TTC5: variants seen among roughly 807,000 people sequenced by gnomAD.
TTC5 encodes tetratricopeptide repeat domain 5.
In TTC5, 46 loss-of-function variants were observed where a neutral mutation model predicts 57.4. The ratio of observed to expected loss-of-function variants is 0.80; its 90% CI spans 0.63 to 1.03. The LOEUF is 1.03. Among genes scored for constraint, TTC5 ranks in the 50% least tolerant of loss-of-function variants. The probability of loss-of-function intolerance (pLI) is 0.00; values close to 1 mark genes in which losing one functional copy is unlikely to be tolerated. For synonymous variants in TTC5, 190 were observed against 203.5 expected (o/e 0.93, Z 0.57); for missense variants, 504 against 528.1 (o/e 0.95, Z 0.45).
chr14:20,289,823 G>C (rs1306042097), intron 9 of TTC5, 77 bp from the exon 10 acceptor site: 2 of 1,426,452 alleles, frequency 1.4e-6, no homozygotes, highest in East Asian at 4.7e-5. Flanking sequence ...TACACCACTT[G>C]CAACTTTCTG....
In TTC5 at chr14:20,289,474, G is replaced by T. The variant is rs1881907927; in HGVS notation, c.*153C>A. 3 of 870,608 alleles carry T rather than the reference G, an allele frequency of 3.4e-6. No homozygotes were observed. The East Asian group carries it at 8.2e-5, about 24-fold the overall frequency. The allele number at this position is 870,608 out of a possible 1,614,324, so 53.9% of individuals were successfully genotyped here. On this transcript the variant is annotated 3_prime_UTR_variant, in exon 10 of 10. Coordinates refer to ENST00000258821, the MANE Select transcript of TTC5 (RefSeq NM_138376.3). The stretch of plus-strand genomic sequence containing the variant: ...GAACATGATGAGGACAGAGGAGAGA[G>T]AAGAGATACGAAGTGTAATACAGGC...
At chr14:20,294,628 T>C (rs1337821384) in intron 8 of TTC5, 1 of 151,910 alleles carries the variant, frequency 6.6e-6, no homozygotes, top group Non-Finnish European at 1.5e-5. Flanking sequence ...AAAATAACAA[T>C]TTCAGTAGAA....
chr14:20,294,936 C>A, intron 8 of TTC5: 1 of 223,492 alleles, frequency 4.5e-6, no homozygotes, highest in Non-Finnish European at 9.1e-6. Flanking sequence ...CTAAGTATAC[C>A]TAAGTACAAA....
chr14:20,293,752 G>A (rs1882004689), intron 8 of TTC5: 1 of 152,344 alleles, frequency 6.6e-6, no homozygotes, highest in Admixed American at 6.5e-5. Context: ...TTTGGAGAAT[G>A]GAGAAGCCTA....
intron 7 of TTC5, 64 bp downstream of exon 7, chr14:20,295,643 AT>A: frequency 6.4e-7 from 1 of 1,552,038 alleles, no homozygotes; most frequent in Non-Finnish European, 8.7e-7. Flanking sequence ...ATTTATTCTT[AT>A]TTTATTGACC....
rs771231003 is a variant in TTC5, at chr14:20,295,884, T to A, written c.697-30A>T. 7.2e-6 allele frequency: 11 copies of A among 1,536,140 alleles called. No homozygotes were observed. In the Admixed American group the frequency reaches 2.0e-4, roughly 29 times the overall value. ...ACAAGAAGTGTATCCCAATTATAAG[T>A]ATATCCAGACAAACTATCCCGAGGG... On this transcript the variant is annotated intron_variant, in intron 6 of 9. Transcript: ENST00000258821.
chr14:20,300,490 T>C (rs1163540122), intron 3 of TTC5, 117 bp downstream of exon 3: 4 of 826,464 alleles, frequency 4.8e-6, no homozygotes, highest in Non-Finnish European at 7.3e-6. Flanking sequence ...TCCCTCCTGA[T>C]TCTGTCCTAG....
In TTC5 at chr14:20,286,413, T is replaced by G. The variant is rs1881838961; in HGVS notation, c.*3214A>C. The G allele has an allele frequency of 6.6e-6, 1 of 152,032 alleles. No individual in the cohort carries two copies. The highest frequency in any genetic ancestry group is 1.5e-5 in the Non-Finnish European group (1 of 68,004). The allele number at this position is 152,032 out of a possible 1,614,324, so 9.4% of individuals were successfully genotyped here. On this transcript the variant is annotated 3_prime_UTR_variant, in exon 10 of 10. Transcript: ENST00000258821. ...CCTACTATGTGATATTTTATAATCA[T>G]CTGGTTGGTAAAAATTAAAAAGCTA...
intron 9 of TTC5, 81 bp from the exon 10 acceptor site, chr14:20,289,827 C>T: frequency 4.2e-6 from 6 of 1,413,414 alleles, no homozygotes; most frequent in Non-Finnish European, 5.7e-6. Flanking sequence ...CCACTTGCAA[C>T]TTTCTGCACC....
At chr14:20,294,014 G>A (rs2138808024) in intron 8 of TTC5, 1 of 152,276 alleles carries the variant, frequency 6.6e-6, no homozygotes, top group South Asian at 2.1e-4. Context: ...GACATCACAG[G>A]GCAAGATGAT....
chr14:20,288,208 G>A lies in TTC5; in HGVS notation c.*1419C>T, dbSNP rs899817236. The A allele has an allele frequency of 1.5e-5, 2 of 134,670 alleles. No homozygotes were observed. Among genetic ancestry groups the A allele is most frequent in the Non-Finnish European group, 1.8e-5 (1 of 56,810 alleles). 8.3% of individuals were successfully genotyped at this position (134,670 alleles called of 1,614,324 possible). On this transcript the variant is annotated 3_prime_UTR_variant, in exon 10 of 10. Transcript: ENST00000258821. The stretch of plus-strand genomic sequence containing the variant: ...AGATAGATAGATAGATAGATAGACA[G>A]ATAGATAGATAAAACTTCTCTCATC...
intron 1 of TTC5, among the ~76,000 whole-genome samples, chr14:20,304,370 AAC>A (rs1443795813): frequency 6.6e-6 from 1 of 152,222 alleles, no homozygotes; most frequent in Non-Finnish European, 1.5e-5. Context: ...CTCTGATTTT[AAC>A]AGTTTAGCAG....
intron 6 of TTC5, 26 bp from the exon 7 acceptor site, chr14:20,295,880 T>C: frequency 1.3e-6 from 2 of 1,548,238 alleles, no homozygotes; most frequent in Non-Finnish European, 1.7e-6. Context: ...ATCCCAATTA[T>C]AAGTATATCC....
rs983028148 is a variant in TTC5, at chr14:20,287,696, G to C, written c.*1931C>G. On this transcript the variant is annotated 3_prime_UTR_variant, in exon 10 of 10. Transcript: ENST00000258821. Reference sequence around the variant, plus strand: ...CTACTGGCCATTTTTCTACTCTCTAGCCCTACACAGAACATGTCAACTCAT... The same window carrying C: ...CTACTGGCCATTTTTCTACTCTCTACCCCTACACAGAACATGTCAACTCAT... 6.6e-6 allele frequency: 1 copy of C among 152,042 alleles called. No individual in the cohort carries two copies. The highest frequency in any genetic ancestry group is 1.5e-5 in the Non-Finnish European group (1 of 68,012). 9.4% of individuals were successfully genotyped at this position (152,042 alleles called of 1,614,324 possible).
In TTC5 at chr14:20,289,586, T is replaced by A. The variant is rs746178971; in HGVS notation, c.*41A>T. 9 of 1,585,626 alleles carry A rather than the reference T, an allele frequency of 5.7e-6. No homozygotes were observed. The African/African-American group carries it at 1.2e-4, about 21-fold the overall frequency. The stretch of plus-strand genomic sequence containing the variant: ...GCTGGACCGGCTGTCCAGAGCCTTG[T>A]CTCCTCTCCTCCACTCCCTGTTGAG... On this transcript the variant is annotated 3_prime_UTR_variant, in exon 10 of 10. Transcript: ENST00000258821.
In TTC5 at chr14:20,295,791, C is replaced by T. The variant is rs1188287035; in HGVS notation, c.760G>A (p.Asp254Asn). The T allele has an allele frequency of 6.2e-7, 1 of 1,613,076 alleles. No homozygotes were observed. Among genetic ancestry groups the T allele is most frequent in the Admixed American group, 1.7e-5 (1 of 59,638 alleles). Reference sequence around the variant, plus strand: ...TGCCGGGGCTCTGGCCAGGCAGGGTCCAGGGCTGCAGCCCGAGAGAAGCCC... The same window carrying T: ...TGCCGGGGCTCTGGCCAGGCAGGGTTCAGGGCTGCAGCCCGAGAGAAGCCC... ...LEGFSRAAAL[D>N]PAWPEPRQRE... Residue 254 changes from aspartate (D) to asparagine (N), a missense_variant, in exon 7 of 10, where the codon GAC becomes AAC. Coordinates refer to ENST00000258821, the MANE Select transcript of TTC5 (RefSeq NM_138376.3).
intron 8 of TTC5, chr14:20,295,030 TA>T: frequency 8.5e-6 from 3 of 352,098 alleles, no homozygotes; most frequent in Non-Finnish European, 1.6e-5. Context: ...TTCTGTCTTA[TA>T]AAAAAATATG....
chr14:20,296,855 A>C (rs541400860), intron 5 of TTC5, among the ~76,000 whole-genome samples: 4 of 152,276 alleles, frequency 2.6e-5, no homozygotes, highest in African/African-American at 9.6e-5. Context: ...TCTACTAAAA[A>C]TACAAAACTT....
chr14:20,296,295 A>G lies in TTC5; in HGVS notation c.696+95T>C, dbSNP rs543903399. 2.0e-5 allele frequency: 21 copies of G among 1,025,462 alleles called. No homozygotes were observed. In the African/African-American group the frequency reaches 3.0e-4, roughly 15 times the overall value. 63.5% of individuals were successfully genotyped at this position (1,025,462 alleles called of 1,614,324 possible). On this transcript the variant is annotated intron_variant, in intron 6 of 9. Coordinates refer to ENST00000258821, the MANE Select transcript of TTC5 (RefSeq NM_138376.3). ...GCTTTCCTCTCGCAGTCTGTACCCAATCTTGTCCCTATGCAAACTCAGTTA... is the reference window on the plus strand; with the variant it reads ...GCTTTCCTCTCGCAGTCTGTACCCAGTCTTGTCCCTATGCAAACTCAGTTA...
Sources: gnomAD v4.1 joint callset for allele counts (sites outside exome capture counted in the v4.1 genomes callset) on GRCh38, gnomAD v4.1.1 for gene constraint, MANE v1.5 for transcripts, NCBI Gene and HGNC (gene_info 2026-07-23, HGNC 2026-07-21) for gene names.